The following ANKS1B variants were observed in gnomAD, a reference collection of about 807,000 sequenced individuals.
ANKS1B encodes the protein ankyrin repeat and sterile alpha motif domain-containing protein 1B.
In ANKS1B, 36 loss-of-function variants were observed where a neutral mutation model predicts 148.3. That is an observed-to-expected ratio of 0.24 (90% confidence interval 0.19 to 0.32). The LOEUF (loss-of-function observed/expected upper bound fraction) is 0.32. ANKS1B is among the 10% of genes least tolerant of loss of function. The probability of loss-of-function intolerance (pLI) is 1.00; values close to 1 mark genes in which losing one functional copy is unlikely to be tolerated. For synonymous variants in ANKS1B, 542 were observed against 560.8 expected, an observed-to-expected ratio of 0.97 and a Z score of 0.47; for missense variants, 1,157 against 1,542.6, an observed-to-expected ratio of 0.75 and a Z score of 4.19.
intron 12 of ANKS1B, among the ~76,000 whole-genome samples, chr12:99,348,961 T>C (rs1355637506): frequency 1.3e-5 from 2 of 151,956 alleles, no homozygotes; most frequent in Non-Finnish European, 2.9e-5. Context: ...AGAAGACAAA[T>C]GCATAAATCA....
intron 12 of ANKS1B, among the ~76,000 whole-genome samples, chr12:99,327,057 A>C (rs1401582714): frequency 4.4e-5 from 6 of 134,846 alleles, no homozygotes; most frequent in African/African-American, 1.4e-4. Context: ...ACAATTATAT[A>C]TAATACAATA....
At chr12:99,512,174 G>A (rs775105571) in intron 9 of ANKS1B, among the ~76,000 whole-genome samples, 4 of 151,918 alleles carry the variant, frequency 2.6e-5, no homozygotes, top group Non-Finnish European at 5.9e-5. Context: ...TCTGACAAAA[G>A]TCTAATATCC....
chr12:99,515,018 AAAAC>A (rs1418403987), intron 9 of ANKS1B, among the ~76,000 whole-genome samples: 1 of 151,934 alleles, frequency 6.6e-6, no homozygotes, highest in African/African-American at 2.4e-5. Flanking sequence ...TAAAAAAAAA[AAAAC>A]TTTTAAATAT....
chr12:99,129,773 T>C (rs1048314951), intron 15 of ANKS1B, among the ~76,000 whole-genome samples: 4 of 152,212 alleles, frequency 2.6e-5, no homozygotes, highest in African/African-American at 4.8e-5. Context: ...CAAAATGGTA[T>C]TGATCTTTCC....
At chr12:99,299,478 G>A (rs952412445) in intron 12 of ANKS1B, among the ~76,000 whole-genome samples, 2 of 152,094 alleles carry the variant, frequency 1.3e-5, no homozygotes, top group African/African-American at 2.4e-5. Context: ...TTACTCTTAC[G>A]CTTTTTCTTT....
intron 9 of ANKS1B, among the ~76,000 whole-genome samples, chr12:99,636,272 T>C (rs1046407966): frequency 6.6e-6 from 1 of 152,182 alleles, no homozygotes; most frequent in African/African-American, 2.4e-5. Context: ...TACTAAATCA[T>C]TGCTCCTAAG....
chr12:99,435,532 A>G (rs1176349295), intron 11 of ANKS1B, among the ~76,000 whole-genome samples: 1 of 151,994 alleles, frequency 6.6e-6, no homozygotes, highest in African/African-American at 2.4e-5. Flanking sequence ...TCTAATCACC[A>G]TTATAATAAC....
intron 4 of ANKS1B, among the ~76,000 whole-genome samples, chr12:99,805,092 T>C (rs1349296777): frequency 1.3e-5 from 2 of 151,836 alleles, no homozygotes; most frequent in Non-Finnish European, 2.9e-5. Flanking sequence ...ATGAGCTAAA[T>C]AAAGAGTTAT....
Position 98,745,244 on chromosome 12 carries a change from TA to T in ANKS1B, c.*494del. ...GGGAGTTGTTTTTGTCCTTTTGCAT[TA>T]AACGATACTCAATGATAGAATGATT... is the stretch of plus-strand genomic sequence containing the variant. On this transcript the variant is annotated 3_prime_UTR_variant, in exon 27 of 27. Coordinates refer to ENST00000683438, the MANE Select transcript of ANKS1B (RefSeq NM_001352186.2). 3.0e-6 allele frequency: 3 copies of T among 985,870 alleles called. No homozygotes were observed. The highest frequency in any genetic ancestry group is 3.6e-6 in the Non-Finnish European group (3 of 829,974). 61.1% of individuals were successfully genotyped at this position (985,870 alleles called of 1,614,324 possible).
intron 1 of ANKS1B, among the ~76,000 whole-genome samples, chr12:99,873,966 A>G (rs2091815621): frequency 6.6e-6 from 1 of 151,330 alleles, no homozygotes; most frequent in Non-Finnish European, 1.5e-5. Context: ...CCAAATCTCC[A>G]TAATCTTGTG....
chr12:99,692,737 A>T (rs1447542384), intron 8 of ANKS1B, among the ~76,000 whole-genome samples: 1 of 152,068 alleles, frequency 6.6e-6, no homozygotes, highest in Admixed American at 6.6e-5. Context: ...GACTTGACGA[A>T]CTAAGCTGAT....
chr12:98,882,355 A>G (rs76958089), intron 17 of ANKS1B, among the ~76,000 whole-genome samples: 4,219 of 152,284 alleles, frequency 0.028, 101 homozygotes, highest in East Asian at 0.11. Flanking sequence ...TAACATTTAC[A>G]TAGACACCAA....
chr12:99,587,327 C>T (rs1025441034), intron 9 of ANKS1B, among the ~76,000 whole-genome samples: 1 of 152,100 alleles, frequency 6.6e-6, no homozygotes, highest in Admixed American at 6.5e-5. Flanking sequence ...AAAAAGCCCT[C>T]TTGGTATGAA....
At chr12:99,568,541 A>C (rs2097420853) in intron 9 of ANKS1B, among the ~76,000 whole-genome samples, 1 of 152,148 alleles carries the variant, frequency 6.6e-6, no homozygotes, top group South Asian at 2.1e-4. Context: ...ATTCAAACTC[A>C]ATCATTTCAT....
intron 1 of ANKS1B, among the ~76,000 whole-genome samples, chr12:99,837,119 C>A (rs769602005): frequency 6.6e-6 from 1 of 152,106 alleles, no homozygotes; most frequent in Non-Finnish European, 1.5e-5. Flanking sequence ...ATCAAAAAGA[C>A]GGCACAGTCA....
chr12:98,831,574 T>A lies in ANKS1B; in HGVS notation c.2886+455A>T, dbSNP rs1380749184. ...ATTCCATTATAGATGGATATCTAAATCTCAAAAATATATATTTAACCAATC... is the reference window on the plus strand; with the variant it reads ...ATTCCATTATAGATGGATATCTAAAACTCAAAAATATATATTTAACCAATC... On this transcript the variant is annotated intron_variant, in intron 18 of 26. Coordinates refer to ENST00000683438, the MANE Select transcript of ANKS1B (RefSeq NM_001352186.2). 4.5e-5 allele frequency: 7 copies of A among 154,460 alleles called. No individual in the cohort carries two copies. The South Asian group carries it at 1.4e-3, about 31-fold the overall frequency. 9.6% of individuals were successfully genotyped at this position (154,460 alleles called of 1,614,324 possible). A position where few individuals can be genotyped will look rare whatever the true frequency, so the allele number is the denominator to read the frequency against.
chr12:99,299,557 A>G (rs58746497), intron 12 of ANKS1B, among the ~76,000 whole-genome samples: 221 of 152,318 alleles, frequency 1.5e-3, no homozygotes, highest in African/African-American at 5.2e-3. Flanking sequence ...AATGTTTCTT[A>G]GTCCTAAGCT....
chr12:99,287,693 T>C (rs780215299), intron 12 of ANKS1B, among the ~76,000 whole-genome samples: 2 of 152,190 alleles, frequency 1.3e-5, no homozygotes, highest in East Asian at 1.9e-4. Context: ...ATCAGATAAA[T>C]TTTTAACAAA....
At chr12:99,329,654 C>G (rs1321575964) in intron 12 of ANKS1B, among the ~76,000 whole-genome samples, 1 of 151,696 alleles carries the variant, frequency 6.6e-6, no homozygotes, top group Non-Finnish European at 1.5e-5. Flanking sequence ...ACAAACTTAG[C>G]TACTTTTGTA....
Sources: gnomAD v4.1 joint callset for allele counts (sites outside exome capture counted in the v4.1 genomes callset) on GRCh38, gnomAD v4.1.1 for gene constraint, MANE v1.5 for transcripts, NCBI Gene and HGNC (gene_info 2026-07-23, HGNC 2026-07-21) for gene names.